THOC5: variants seen among roughly 807,000 people sequenced by gnomAD.
The protein encoded by THOC5 is THO complex subunit 5.
In THOC5, 43 loss-of-function variants were observed where a neutral mutation model predicts 92.9. That is an observed-to-expected ratio of 0.46 (90% confidence interval 0.36 to 0.60). The LOEUF (loss-of-function observed/expected upper bound fraction) is 0.60. THOC5 is among the 20% of genes least tolerant of loss of function. The probability of loss-of-function intolerance (pLI) is 0.00; values close to 1 mark genes in which losing one functional copy is unlikely to be tolerated. For synonymous variants in THOC5, 296 were observed against 320.1 expected (o/e 0.92, Z 0.80); for missense variants, 659 against 849.4 (o/e 0.78, Z 2.79).
In THOC5 at chr22:29,550,490, T is replaced by C. The variant is rs182777325; in HGVS notation, c.-11-1332A>G. ...TCCTGAGGTGGGCAGCACTGTCCCC[T>C]TTACCCTAATCCCTCTTGCTCTGTC... On this transcript the variant is annotated intron_variant, in intron 1 of 19. Transcript: ENST00000490103. Among the ~76,000 whole-genome samples, 10 of 152,108 alleles carry C rather than the reference T, an allele frequency of 6.6e-5. No individual in the cohort carries two copies. The East Asian group carries it at 1.9e-3, about 29-fold the overall frequency.
At chr22:29,538,249 TG>T (rs920569481) in intron 6 of THOC5, among the ~76,000 whole-genome samples, 12 of 152,146 alleles carry the variant, frequency 7.9e-5, no homozygotes, top group Admixed American at 3.3e-4. Context: ...CCCAAAGTGC[TG>T]GGATTACAGA....
At chr22:29,547,193 C>T (rs1453743987) in intron 2 of THOC5, among the ~76,000 whole-genome samples, 1 of 152,022 alleles carries the variant, frequency 6.6e-6, no homozygotes, top group Non-Finnish European at 1.5e-5. Flanking sequence ...CCACCAGATA[C>T]CCTAAATCCT....
At chr22:29,541,692 T>G (rs2063887383) in intron 5 of THOC5, among the ~76,000 whole-genome samples, 1 of 147,146 alleles carries the variant, frequency 6.8e-6, no homozygotes, top group Admixed American at 6.8e-5. Context: ...AAACCCTGTC[T>G]CTACTAAAAA....
intron 11 of THOC5, among the ~76,000 whole-genome samples, chr22:29,526,253 C>A (rs1739892045): frequency 1.3e-5 from 2 of 152,112 alleles, no homozygotes; most frequent in South Asian, 4.1e-4. Flanking sequence ...ACAAAATCGG[C>A]CAGGCGCGGT....
chr22:29,510,699 C>A (rs1237434562), intron 19 of THOC5, among the ~76,000 whole-genome samples: 1 of 152,190 alleles, frequency 6.6e-6, no homozygotes, highest in Admixed American at 6.5e-5. Flanking sequence ...CAGAGATCTG[C>A]ACTCCTATCT....
chr22:29,539,227 A>G (rs560994205), intron 6 of THOC5, 103 bp downstream of exon 6: 2 of 1,278,528 alleles, frequency 1.6e-6, no homozygotes, highest in Non-Finnish European at 2.2e-6. Flanking sequence ...ATTTGGTCTT[A>G]GAAACTATTC....
At chr22:29,545,335 G>T (rs147209056) in intron 2 of THOC5, among the ~76,000 whole-genome samples, 1 of 151,896 alleles carries the variant, frequency 6.6e-6, no homozygotes, top group African/African-American at 2.4e-5. Context: ...ATATCATTCC[G>T]CCCCTGGCCC....
intron 13 of THOC5, among the ~76,000 whole-genome samples, chr22:29,520,344 C>A (rs1284036096): frequency 6.6e-6 from 1 of 152,102 alleles, no homozygotes; most frequent in Non-Finnish European, 1.5e-5. Flanking sequence ...AACTTATAAG[C>A]AAATATCAAA....
chr22:29,519,073 G>C lies in THOC5; in HGVS notation c.1422C>G (p.Thr474=). 1.2e-6 allele frequency: 2 copies of C among 1,611,714 alleles called. No homozygotes were observed. Among genetic ancestry groups the C allele is most frequent in the East Asian group, 2.2e-5 (1 of 44,784 alleles). The change falls in exon 15 of 20, where the codon ACC becomes ACG. Residue 474 remains threonine (T), a synonymous_variant. Coordinates refer to ENST00000490103, the MANE Select transcript of THOC5 (RefSeq NM_003678.5). ...CCCTGGTCTTCAGAAGTTTCATGGT[G>C]GTCTCCATGTGGCTGGCGCTCAGCG... is the stretch of plus-strand genomic sequence containing the variant. ...DHSLSASHME[T]TMKLLKTRVQ...
At chr22:29,548,959 T>A in intron 2 of THOC5, 93 bp downstream of exon 2, 1 of 1,225,724 alleles carries the variant, frequency 8.2e-7, no homozygotes, top group South Asian at 1.4e-5. Flanking sequence ...TTGTACCTGG[T>A]AGATGCGACC....
At chr22:29,520,973 G>C in intron 13 of THOC5, 25 bp downstream of exon 13, 1 of 1,571,012 alleles carries the variant, frequency 6.4e-7, no homozygotes, top group Non-Finnish European at 8.8e-7. Context: ...TAGAGAGCTC[G>C]GAGAGGAGGA....
intron 9 of THOC5, 74 bp downstream of exon 9, chr22:29,529,088 T>C: frequency 6.9e-7 from 1 of 1,449,150 alleles, no homozygotes. Flanking sequence ...GTCCAGCTAG[T>C]TCTCCAAAGA....
At position 29,536,709 on chromosome 22, in the gene THOC5, G is replaced by C. The variant is rs1555964501; in HGVS notation, c.629C>G (p.Ser210Cys). 6.2e-7 allele frequency: 1 copy of C among 1,612,828 alleles called. No homozygotes were observed. The highest frequency in any genetic ancestry group is 1.1e-5 in the South Asian group (1 of 91,038). ...CTCCTTGAGAATCTTCTCCTTGTTA[G>C]ATAGGCACTCTCGGTACTTCTCTGC... ...RLAEKYRECL[S>C]NKEKILKEIE... The change falls in exon 7 of 20, where the codon TCT becomes TGT. Residue 210 changes from serine (S) to cysteine (C), a missense_variant. Coordinates refer to ENST00000490103, the MANE Select transcript of THOC5 (RefSeq NM_003678.5).
intron 8 of THOC5, among the ~76,000 whole-genome samples, chr22:29,529,830 C>G (rs1398890753): frequency 2.0e-5 from 3 of 152,176 alleles, no homozygotes; most frequent in African/African-American, 7.2e-5. Context: ...GTTTCTGTAT[C>G]TATGAAAAGG....
chr22:29,524,678 C>T, intron 12 of THOC5, among the ~76,000 whole-genome samples: 1 of 152,164 alleles, frequency 6.6e-6, no homozygotes, highest in East Asian at 1.9e-4. Context: ...CAATTTCATC[C>T]AGAGCACCCC....
rs1457160031 is a variant in THOC5, at chr22:29,506,146, C to G, written c.*2311G>C. On this transcript the variant is annotated 3_prime_UTR_variant, in exon 20 of 20. Transcript: ENST00000490103. The stretch of plus-strand genomic sequence containing the variant: ...GTACTGATATTAAAGGCGTAAGCCA[C>G]TGTGCCCAGCCCATCTTATTTTTTA... 1.3e-5 allele frequency: 2 copies of G among 152,212 alleles called. No individual in the cohort carries two copies. The highest frequency in any genetic ancestry group is 2.9e-5 in the Non-Finnish European group (2 of 68,052). The allele number at this position is 152,212 out of a possible 1,614,324, so 9.4% of individuals were successfully genotyped here. A position where few individuals can be genotyped will look rare whatever the true frequency, so the allele number is the denominator to read the frequency against.
At chr22:29,520,972 C>T (rs368051139) in intron 13 of THOC5, 26 bp downstream of exon 13, 91 of 1,570,214 alleles carry the variant, frequency 5.8e-5, no homozygotes, top group Non-Finnish European at 7.5e-5. Context: ...GTAGAGAGCT[C>T]GGAGAGGAGG....
chr22:29,541,645 A>G (rs2063885710), intron 5 of THOC5, among the ~76,000 whole-genome samples: 1 of 150,544 alleles, frequency 6.6e-6, no homozygotes. Flanking sequence ...GCGGATCATA[A>G]GATCAGGAGA....
chr22:29,537,716 C>G (rs927603850), intron 6 of THOC5, among the ~76,000 whole-genome samples: 1 of 151,870 alleles, frequency 6.6e-6, no homozygotes, highest in Non-Finnish European at 1.5e-5. Flanking sequence ...ATGGTGAAAC[C>G]CCGCTTCTAC....
Sources: allele counts gnomAD v4.1 joint callset (sites outside exome capture counted in the v4.1 genomes callset), GRCh38; gene constraint gnomAD v4.1.1; transcripts MANE v1.5; gene names NCBI Gene and HGNC (gene_info 2026-07-23, HGNC 2026-07-21).